GLUD1: variants seen among roughly 807,000 people sequenced by gnomAD.
GLUD1 encodes glutamate dehydrogenase 1, mitochondrial.
A neutral mutation model predicts 56.0 loss-of-function variants in GLUD1; 22 were observed. The observed-to-expected ratio is 0.39, with a 90% CI of 0.28 to 0.56. The LOEUF (loss-of-function observed/expected upper bound fraction) is 0.56. Among genes scored for constraint, GLUD1 ranks in the 20% least tolerant of loss-of-function variants. The probability of loss-of-function intolerance (pLI) is 0.58; values close to 1 mark genes in which losing one functional copy is unlikely to be tolerated. For synonymous variants in GLUD1, 223 were observed against 269.9 expected (o/e 0.83, Z 1.70); for missense variants, 451 against 732.0 (o/e 0.62, Z 4.43).
At chr10:87,071,213 A>T (rs1846229740) in intron 4 of GLUD1, among the ~76,000 whole-genome samples, 1 of 151,972 alleles carries the variant, frequency 6.6e-6, no homozygotes, top group African/African-American at 2.4e-5. Context: ...ATGTTTTGAG[A>T]AGGAGTTACA....
chr10:87,057,820 A>AT, intron 10 of GLUD1, 38 bp from the exon 11 acceptor site: 17 of 912,924 alleles, frequency 1.9e-5, no homozygotes, highest in Non-Finnish European at 2.6e-5. Context: ...TATTGCTAAC[A>AT]GAAAAAAAAA....
chr10:87,062,909 G>T, intron 5 of GLUD1, 74 bp from the exon 6 acceptor site: 1 of 1,346,224 alleles, frequency 7.4e-7, no homozygotes, highest in Non-Finnish European at 1.1e-6. Flanking sequence ...ATGAATTAAA[G>T]TCAAAGCACA....
chr10:87,056,399 T>C (rs2133785495), intron 11 of GLUD1, among the ~76,000 whole-genome samples: 1 of 151,606 alleles, frequency 6.6e-6, no homozygotes, highest in South Asian at 2.1e-4. Flanking sequence ...GTTCAAGCGA[T>C]TCTCCTGCCT....
intron 2 of GLUD1, 131 bp downstream of exon 2, chr10:87,076,445 G>T (rs930785837): frequency 1.8e-5 from 13 of 720,138 alleles, no homozygotes; most frequent in Non-Finnish European, 2.0e-5. Context: ...AATGATGCAG[G>T]TCTTAAAGAT....
rs1318176948 is a variant in GLUD1 at position 87,051,450 on chromosome 10, G to A, written c.*301C>T. 1 of 436,664 alleles carries A rather than the reference G, an allele frequency of 2.3e-6. No homozygotes were observed. Among genetic ancestry groups the A allele is most frequent in the East Asian group, 5.3e-5 (1 of 18,698 alleles). 27.0% of individuals were successfully genotyped at this position (436,664 alleles called of 1,614,324 possible). A position where few individuals can be genotyped will look rare whatever the true frequency, so the allele number is the denominator to read the frequency against. ...CCTCCCCAGCACTAGCACTGATTGT[G>A]TTGGGAAAAGCCACAGAGCAAGGCT... is the stretch of plus-strand genomic sequence containing the variant. On this transcript the variant is annotated 3_prime_UTR_variant, in exon 13 of 13. Transcript: ENST00000277865.
rs1410320160 is a variant in GLUD1 at position 87,089,740 on chromosome 10, AC to A, written c.445+4584del. On this transcript the variant is annotated intron_variant, in intron 1 of 12. Coordinates refer to ENST00000277865, the MANE Select transcript of GLUD1 (RefSeq NM_005271.5). ...TTTAACAGTAGTATTTCACATATTAACAATTCCGACTTGATAGTGAACACTT... is the reference window on the plus strand; with the variant it reads ...TTTAACAGTAGTATTTCACATATTAAAATTCCGACTTGATAGTGAACACTT... 80 of 979,066 alleles carry A rather than the reference AC, an allele frequency of 8.2e-5. 1 individual carries two copies. The African/African-American group carries it at 1.2e-3, about 14-fold the overall frequency. The allele number at this position is 979,066 out of a possible 1,614,324, so 60.6% of individuals were successfully genotyped here.
At chr10:87,059,081 T>A in intron 10 of GLUD1, 69 bp downstream of exon 10, 1 of 1,565,688 alleles carries the variant, frequency 6.4e-7, no homozygotes, top group South Asian at 1.1e-5. Flanking sequence ...TTCTCTTAAG[T>A]GGACCTTTTT....
intron 4 of GLUD1, among the ~76,000 whole-genome samples, chr10:87,069,713 G>A (rs1211532211): frequency 2.6e-5 from 4 of 152,084 alleles, no homozygotes; most frequent in Admixed American, 2.6e-4. Context: ...GTGATGTAAT[G>A]GATACAGGGC....
At chr10:87,085,580 C>T (rs1841363165) in intron 1 of GLUD1, among the ~76,000 whole-genome samples, 1 of 152,026 alleles carries the variant, frequency 6.6e-6, no homozygotes, top group South Asian at 2.1e-4. Context: ...CGGAAGAATA[C>T]TTTTTTCATT....
intron 1 of GLUD1, among the ~76,000 whole-genome samples, chr10:87,080,271 G>A (rs1222541195): frequency 3.9e-5 from 6 of 151,928 alleles, no homozygotes; most frequent in Admixed American, 6.6e-5. Flanking sequence ...GTGCAGTGGC[G>A]TGATCTCGGC....
chr10:87,081,654 C>T (rs1237164357), intron 1 of GLUD1, among the ~76,000 whole-genome samples: 2 of 152,148 alleles, frequency 1.3e-5, no homozygotes, highest in African/African-American at 4.8e-5. Flanking sequence ...TACCCCGCAA[C>T]CCTGTGCTCT....
chr10:87,054,043 AT>A (rs1248045498), intron 11 of GLUD1, among the ~76,000 whole-genome samples: 3 of 152,124 alleles, frequency 2.0e-5, no homozygotes, highest in Non-Finnish European at 4.4e-5. Flanking sequence ...CTCTTTCCTA[AT>A]TTGTTTCTTG....
chr10:87,057,161 T>A (rs535133862), intron 11 of GLUD1, among the ~76,000 whole-genome samples: 1 of 152,190 alleles, frequency 6.6e-6, no homozygotes, highest in East Asian at 1.9e-4. Flanking sequence ...TGGCTAATTT[T>A]TGTATTTTTA....
intron 1 of GLUD1, among the ~76,000 whole-genome samples, chr10:87,077,374 G>A (rs757607859): frequency 4.6e-5 from 7 of 152,128 alleles, no homozygotes; most frequent in East Asian, 1.9e-4. Flanking sequence ...TCAAAATACC[G>A]TATGTCTAAA....
intron 1 of GLUD1, among the ~76,000 whole-genome samples, chr10:87,083,755 CAGA>C (rs1402773167): frequency 6.6e-6 from 1 of 152,104 alleles, no homozygotes; most frequent in Non-Finnish European, 1.5e-5. Context: ...GAGGCTGAGG[CAGA>C]AGAACTTGAG....
At chr10:87,092,593 A>T (rs1433080348) in intron 1 of GLUD1, 2 of 972,560 alleles carry the variant, frequency 2.1e-6, no homozygotes, top group Non-Finnish European at 2.4e-6. Context: ...AACTATGGTA[A>T]ACGAGTTGCT....
chr10:87,087,704 T>C (rs527839849), intron 1 of GLUD1, among the ~76,000 whole-genome samples: 2 of 152,346 alleles, frequency 1.3e-5, no homozygotes, highest in East Asian at 1.9e-4. Flanking sequence ...ACAGTTCCAC[T>C]TCCTGCCTTG....
intron 1 of GLUD1, among the ~76,000 whole-genome samples, chr10:87,093,063 C>CTA (rs1841557416): frequency 6.6e-6 from 1 of 152,200 alleles, no homozygotes; most frequent in Non-Finnish European, 1.5e-5. Context: ...AAGTTAAGTC[C>CTA]TAGAAGTGGG....
chr10:87,086,062 A>C (rs1360724680), intron 1 of GLUD1, among the ~76,000 whole-genome samples: 2 of 152,212 alleles, frequency 1.3e-5, no homozygotes, highest in Non-Finnish European at 2.9e-5. Context: ...GTTTCATATA[A>C]ATTATTTACA....
Sources: gnomAD v4.1 joint callset for allele counts (sites outside exome capture counted in the v4.1 genomes callset) on GRCh38, gnomAD v4.1.1 for gene constraint, MANE v1.5 for transcripts, NCBI Gene and HGNC (gene_info 2026-07-23, HGNC 2026-07-21) for gene names.